The following SNPH variants were observed in gnomAD, a reference collection of about 807,000 sequenced individuals.
SNPH encodes syntaphilin.
In SNPH, 10 loss-of-function variants were observed where a neutral mutation model predicts 36.8. The observed-to-expected ratio is 0.27, with a 90% confidence interval of 0.17 to 0.46. SNPH has a LOEUF of 0.46. SNPH is among the 20% of genes least tolerant of loss of function. The probability of loss-of-function intolerance (pLI) is 1.00; values close to 1 mark genes in which losing one functional copy is unlikely to be tolerated. For missense variants in SNPH, 622 were observed against 744.0 expected (o/e 0.84, Z 1.91); for synonymous variants, 281 against 312.2 (o/e 0.90, Z 1.05).
At chr20:1,278,791 C>A (rs1465516052) in intron 2 of SNPH, among the ~76,000 whole-genome samples, 1 of 152,202 alleles carries the variant, frequency 6.6e-6, no homozygotes, top group Non-Finnish European at 1.5e-5. Flanking sequence ...TCAAGCAATT[C>A]TCCTGCCTCA....
At chr20:1,292,028 C>T (rs1017356506) in intron 2 of SNPH, among the ~76,000 whole-genome samples, 5 of 152,224 alleles carry the variant, frequency 3.3e-5, no homozygotes, top group African/African-American at 2.4e-5. Context: ...AGATCCAGAG[C>T]ACCTTAGAGA....
intron 2 of SNPH, among the ~76,000 whole-genome samples, chr20:1,277,869 GTGTC>G (rs140025188): frequency 0.12 from 17,993 of 145,216 alleles, 1,689 homozygotes; most frequent in East Asian, 0.4. Flanking sequence ...GTGTGCCTGT[GTGTC>G]TGTCTGTGCC....
chr20:1,303,602 A>G (rs549399253), intron 6 of SNPH, among the ~76,000 whole-genome samples: 1 of 151,500 alleles, frequency 6.6e-6, no homozygotes, highest in South Asian at 2.1e-4. Context: ...CTGTGTCCTG[A>G]TGGGTGGATG....
chr20:1,294,645 G>A lies in SNPH; in HGVS notation c.-492-306G>A, dbSNP rs1199817228. Among the ~76,000 whole-genome samples, 1 of 152,198 alleles carries A rather than the reference G, an allele frequency of 6.6e-6. No individual in the cohort carries two copies. The highest frequency in any genetic ancestry group is 1.5e-5 in the Non-Finnish European group (1 of 68,036). On this transcript the variant is annotated intron_variant, in intron 2 of 6. Transcript: ENST00000381867. This position sits in a 1 kb window ranked among gnomAD's most constrained non-coding sequence, Gnocchi z 4.4. ...CTGGCTGTGTCCAGACCCTCCAGGG[G>A]AACAGGCTGTGTTCTATGTCCCCGC...
chr20:1,277,996 GTGTC>G (rs1164837038), intron 2 of SNPH, among the ~76,000 whole-genome samples: 8 of 149,328 alleles, frequency 5.4e-5, no homozygotes, highest in Non-Finnish European at 8.9e-5. Flanking sequence ...GCGTGTCTGT[GTGTC>G]TGTGTGTGTG....
intron 2 of SNPH, among the ~76,000 whole-genome samples, chr20:1,287,638 T>C (rs1568544039): frequency 6.6e-6 from 1 of 152,210 alleles, no homozygotes; most frequent in Non-Finnish European, 1.5e-5. Flanking sequence ...TAGTCCCTGT[T>C]GGTACCTGGG....
In SNPH at chr20:1,308,687, T is replaced by G. The variant is rs907016529; in HGVS notation, c.*2633T>G. ...ACCCTTTTCCTTCCTGCCTAATACC[T>G]CCTCCCGTTGGGCTGTGACTTTTCC... On this transcript the variant is annotated 3_prime_UTR_variant, in exon 7 of 7. Coordinates refer to ENST00000381867, the MANE Select transcript of SNPH (RefSeq NM_001318234.2). 1.3e-5 allele frequency: 2 copies of G among 152,472 alleles called. No individual in the cohort carries two copies. Among genetic ancestry groups the G allele is most frequent in the African/African-American group, 4.8e-5 (2 of 41,426 alleles). 9.4% of individuals were successfully genotyped at this position (152,472 alleles called of 1,614,324 possible).
chr20:1,305,394 C>T lies in SNPH; in HGVS notation c.957C>T (p.Thr319=). 6.2e-7 allele frequency: 1 copy of T among 1,613,024 alleles called. No individual in the cohort carries two copies. The highest frequency in any genetic ancestry group is 8.5e-7 in the Non-Finnish European group (1 of 1,180,032). Residue 319 remains threonine (T), a synonymous_variant, in exon 7 of 7, where the codon ACC becomes ACT. Coordinates refer to ENST00000381867, the MANE Select transcript of SNPH (RefSeq NM_001318234.2). Reference sequence around the variant, plus strand: ...GGGTGGACTGTGGCACCGAGGAGACCTCGCTGCACAGCTCCTTCGGCCTGG... The same window carrying T: ...GGGTGGACTGTGGCACCGAGGAGACTTCGCTGCACAGCTCCTTCGGCCTGG... ...SSGVDCGTEE[T]SLHSSFGLGP... is the part of the protein sequence containing the mutation.
At position 1,271,514 on chromosome 20, in the gene SNPH, G is replaced by A. The variant is rs149241138; in HGVS notation, c.-493+4754G>A. On this transcript the variant is annotated intron_variant, in intron 2 of 6. Coordinates refer to ENST00000381867, the MANE Select transcript of SNPH (RefSeq NM_001318234.2). ...GCGCCACCATGCCCAGAAAATTTTT[G>A]TATTTTTAGTAGAGAGGGGGTTTCA... is the stretch of plus-strand genomic sequence containing the variant. 2.9e-4 allele frequency among the ~76,000 whole-genome samples: 44 copies of A among 152,214 alleles called. No homozygotes were observed. The East Asian group carries it at 7.7e-3, about 27-fold the overall frequency.
intron 2 of SNPH, among the ~76,000 whole-genome samples, chr20:1,289,712 G>T (rs1051465369): frequency 3.3e-5 from 5 of 151,538 alleles, no homozygotes; most frequent in African/African-American, 1.2e-4. Flanking sequence ...GCCAGGTGAG[G>T]TGGCTACTGG....
At chr20:1,274,818 T>C (rs1176633144) in intron 2 of SNPH, among the ~76,000 whole-genome samples, 1 of 152,172 alleles carries the variant, frequency 6.6e-6, no homozygotes, top group Non-Finnish European at 1.5e-5. Context: ...AGAGGTACAG[T>C]AAATCCTGGG....
chr20:1,266,435 C>T lies in SNPH; in HGVS notation c.-600+38C>T. On this transcript the variant is annotated intron_variant, in intron 1 of 6. Coordinates refer to ENST00000381867, the MANE Select transcript of SNPH (RefSeq NM_001318234.2). This position sits in a 1 kb window ranked among gnomAD's most constrained non-coding sequence, Gnocchi z 6.0. ...ACCCCGGGGATCTCCGGGCCCACCGCCCAGCTGCACCCGCCGCAGTCCAGA... is the reference window on the plus strand; with the variant it reads ...ACCCCGGGGATCTCCGGGCCCACCGTCCAGCTGCACCCGCCGCAGTCCAGA... 1 of 563,450 alleles carries T rather than the reference C, an allele frequency of 1.8e-6. No homozygotes were observed. Among genetic ancestry groups the T allele is most frequent in the African/African-American group, 2.0e-5 (1 of 50,676 alleles). 34.9% of individuals were successfully genotyped at this position (563,450 alleles called of 1,614,324 possible). A position where few individuals can be genotyped will look rare whatever the true frequency, so the allele number is the denominator to read the frequency against.
chr20:1,273,733 C>G (rs538221845), intron 2 of SNPH, among the ~76,000 whole-genome samples: 12 of 152,240 alleles, frequency 7.9e-5, no homozygotes, highest in Non-Finnish European at 1.2e-4. Flanking sequence ...CTGCATTATT[C>G]GTAGCCTGGA....
At chr20:1,280,764 C>T (rs2088207997) in intron 2 of SNPH, among the ~76,000 whole-genome samples, 1 of 152,172 alleles carries the variant, frequency 6.6e-6, no homozygotes, top group Non-Finnish European at 1.5e-5. Flanking sequence ...GAATGGGGTT[C>T]TCAGAACTGT....
intron 2 of SNPH, among the ~76,000 whole-genome samples, chr20:1,268,222 G>C (rs1254602155): frequency 1.3e-5 from 2 of 152,234 alleles, no homozygotes; most frequent in Non-Finnish European, 2.9e-5. Flanking sequence ...TCCCAAGGAG[G>C]ACTGTAGCCC....
At chr20:1,283,881 G>A (rs756991124) in intron 2 of SNPH, among the ~76,000 whole-genome samples, 68 of 152,190 alleles carry the variant, frequency 4.5e-4, no homozygotes, top group Non-Finnish European at 7.8e-4. Context: ...CCCCAGGCTC[G>A]CCTTTGCCCA....
At chr20:1,301,505 CTTTT>C (rs11478452) in intron 6 of SNPH, among the ~76,000 whole-genome samples, 3 of 146,604 alleles carry the variant, frequency 2.0e-5, no homozygotes, top group African/African-American at 7.5e-5. Context: ...TCTTTTCTTT[CTTTT>C]TTTTTTTTAA....
intron 2 of SNPH, among the ~76,000 whole-genome samples, chr20:1,292,701 GC>G (rs907265087): frequency 6.6e-6 from 1 of 152,088 alleles, no homozygotes; most frequent in East Asian, 1.9e-4. Context: ...TGTGTGGCCT[GC>G]CCCCCTCCTT....
chr20:1,278,374 A>G (rs1032207535), intron 2 of SNPH, among the ~76,000 whole-genome samples: 1 of 152,044 alleles, frequency 6.6e-6, no homozygotes, highest in South Asian at 2.1e-4. Flanking sequence ...TCCTCCTTCT[A>G]GCTTTATTGA....
Sources: gnomAD v4.1 joint callset for allele counts (sites outside exome capture counted in the v4.1 genomes callset) on GRCh38, gnomAD v4.1.1 for gene constraint, Gnocchi (gnomAD v3.1) non-coding constraint, MANE v1.5 for transcripts, NCBI Gene and HGNC (gene_info 2026-07-23, HGNC 2026-07-21) for gene names.